The following GANC variants were observed in gnomAD, a reference collection of about 807,000 sequenced individuals.
The protein encoded by GANC is glucosidase alpha, neutral C.
In GANC, 117 loss-of-function variants were observed where a neutral mutation model predicts 124.2. The ratio of observed to expected loss-of-function variants is 0.94; its 90% CI spans 0.81 to 1.10. The LOEUF is 1.10. GANC is among the 50% of genes least tolerant of loss of function. GANC has a pLI of 0.00. For missense variants in GANC, 1,140 were observed against 1,095.0 expected (o/e 1.04, Z -0.58); for synonymous variants, 377 against 376.8 (o/e 1.00, Z -0.01).
In GANC at chr15:42,347,787, A is replaced by G. The variant is rs180990168; in HGVS notation, c.2305-316A>G. ...GGAAAATTTAAAATACAAAATAGGAAAAGCCACTTATAGGATGGGCAGAAA... is the reference window on the plus strand; with the variant it reads ...GGAAAATTTAAAATACAAAATAGGAGAAGCCACTTATAGGATGGGCAGAAA... On this transcript the variant is annotated intron_variant, in intron 20 of 23. Coordinates refer to ENST00000318010, the MANE Select transcript of GANC (RefSeq NM_198141.3). Among the ~76,000 whole-genome samples the G allele has an allele frequency of 3.6e-4, 55 of 152,312 alleles. 1 individual carries two copies. In the East Asian group the frequency reaches 7.5e-3, roughly 21 times the overall value.
At position 42,352,787 on chromosome 15, in the gene GANC, A is replaced by G; in HGVS notation, c.*648A>G. On this transcript the variant is annotated 3_prime_UTR_variant, in exon 24 of 24. Coordinates refer to ENST00000318010, the MANE Select transcript of GANC (RefSeq NM_198141.3). Reference sequence around the variant, plus strand: ...GTCTTTTACATTGTTTTTTTAATTAAGTGCTGTTTACTAACCAAATAATAT... The same window carrying G: ...GTCTTTTACATTGTTTTTTTAATTAGGTGCTGTTTACTAACCAAATAATAT... 1 of 907,276 alleles carries G rather than the reference A, an allele frequency of 1.1e-6. No homozygotes were observed. Among genetic ancestry groups the G allele is most frequent in the Non-Finnish European group, 1.3e-6 (1 of 758,608 alleles). 56.2% of individuals were successfully genotyped at this position (907,276 alleles called of 1,614,324 possible).
chr15:42,317,278 A>C (rs1375758089), intron 10 of GANC, among the ~76,000 whole-genome samples: 1 of 137,388 alleles, frequency 7.3e-6, no homozygotes, highest in Non-Finnish European at 1.6e-5. Context: ...ACATGGATGA[A>C]CCTTGAAAAT....
intron 10 of GANC, among the ~76,000 whole-genome samples, chr15:42,319,957 G>T (rs1358410335): frequency 6.6e-6 from 1 of 152,052 alleles, no homozygotes; most frequent in Non-Finnish European, 1.5e-5. Context: ...AGCCAAGATG[G>T]GCGATCACCT....
At chr15:42,305,030 C>T (rs1360338917) in intron 6 of GANC, among the ~76,000 whole-genome samples, 1 of 61,578 alleles carries the variant, frequency 1.6e-5, no homozygotes, top group African/African-American at 5.8e-5. Context: ...TAGGCAATAC[C>T]ATTCAGGACA....
At chr15:42,281,045 TAAAC>T (rs1355805210) in intron 3 of GANC, 1 of 702,488 alleles carries the variant, frequency 1.4e-6, no homozygotes, top group Non-Finnish European at 2.6e-6. Flanking sequence ...AGGAGCCTGA[TAAAC>T]AAGGACAAAT....
rs778013644 is a variant in GANC, at chr15:42,338,459, T to C, written c.1812T>C (p.Thr604=). 6.2e-7 allele frequency: 1 copy of C among 1,613,850 alleles called. No homozygotes were observed. The part of the protein sequence containing the change: ...NLKISIPMLL[T]LSITGISFCG... ...AAATTTCTATCCCAATGTTACTCAC[T>C]CTCAGCATTACTGGGATCTCTTTTT... The change falls in exon 16 of 24, where the codon ACT becomes ACC. Residue 604 remains threonine, a synonymous_variant. Transcript: ENST00000318010.
At chr15:42,345,375 C>A (rs775124169) in intron 19 of GANC, among the ~76,000 whole-genome samples, 9 of 151,862 alleles carry the variant, frequency 5.9e-5, no homozygotes, top group Non-Finnish European at 1.0e-4. Context: ...TTCTCCATCA[C>A]CTCTTTCACT....
At chr15:42,319,157 C>T (rs2052134252) in intron 10 of GANC, among the ~76,000 whole-genome samples, 1 of 152,114 alleles carries the variant, frequency 6.6e-6, no homozygotes, top group African/African-American at 2.4e-5. Context: ...TTCTTATCCT[C>T]TGATGGTTCC....
Position 42,353,134 on chromosome 15 carries a change from T to G in GANC, c.*995T>G. On this transcript the variant is annotated 3_prime_UTR_variant, in exon 24 of 24. Transcript: ENST00000318010. ...TATGGCTTGGCATGGGGCAGAACAT[T>G]ACAACATACCAGTCGTGTCATGGTG... 1 of 985,864 alleles carries G rather than the reference T, an allele frequency of 1.0e-6. No homozygotes were observed. Among genetic ancestry groups the G allele is most frequent in the Non-Finnish European group, 1.2e-6 (1 of 829,948 alleles). The allele number at this position is 985,864 out of a possible 1,614,324, so 61.1% of individuals were successfully genotyped here. A position where few individuals can be genotyped will look rare whatever the true frequency, so the allele number is the denominator to read the frequency against.
At chr15:42,284,938 A>G (rs976508677) in intron 3 of GANC, among the ~76,000 whole-genome samples, 4 of 152,220 alleles carry the variant, frequency 2.6e-5, no homozygotes, top group Admixed American at 1.3e-4. Flanking sequence ...TACTTATATT[A>G]TCTAAGGATT....
chr15:42,343,412 G>A (rs190978780), intron 19 of GANC: 18 of 441,236 alleles, frequency 4.1e-5, no homozygotes, highest in African/African-American at 3.0e-4. Flanking sequence ...ACTAGTAAAA[G>A]TGAGTCCTGA....
intron 14 of GANC, 45 bp from the exon 15 acceptor site, chr15:42,330,531 C>A (rs775631382): frequency 1.4e-6 from 2 of 1,417,734 alleles, no homozygotes; most frequent in South Asian, 2.3e-5. Flanking sequence ...GATGTCTGTA[C>A]AAATCCAATC....
chr15:42,334,241 A>T (rs577811251), intron 15 of GANC, among the ~76,000 whole-genome samples: 56 of 151,894 alleles, frequency 3.7e-4, no homozygotes, highest in Admixed American at 1.0e-3. Context: ...AGATCACTGC[A>T]ACCTCCACCT....
chr15:42,349,463 G>A lies in GANC; in HGVS notation c.2499G>A (p.Lys833=). The change falls in exon 22 of 24, where the codon AAG becomes AAA. Residue 833 remains lysine, a synonymous_variant. Coordinates refer to ENST00000318010, the MANE Select transcript of GANC (RefSeq NM_198141.3). ...YLHQKQFLHR[K]FSFCSSVLIN... is the part of the protein sequence containing the mutation. ...ACCAGAAGCAATTTTTGCACAGGAA[G>A]TTTTCATTCTGTTCCAGTGTTCTGA... is the stretch of plus-strand genomic sequence containing the variant. 2 of 1,612,478 alleles carry A rather than the reference G, an allele frequency of 1.2e-6. No individual in the cohort carries two copies. The highest frequency in any genetic ancestry group is 1.7e-6 in the Non-Finnish European group (2 of 1,178,576).
rs753829175 is a variant in GANC at position 42,349,471 on chromosome 15, T to G, written c.2507T>G (p.Phe836Cys). ...QKQFLHRKFS[F>C]CSSVLINSFA... ...CAATTTTTGCACAGGAAGTTTTCAT[T>G]CTGTTCCAGTGTTCTGATCAATAGG... The change falls in exon 22 of 24, where the codon TTC becomes TGC. Residue 836 changes from phenylalanine (F) to cysteine (C), a missense_variant. Phe to Cys is a radical substitution (Grantham distance 205). Coordinates refer to ENST00000318010, the MANE Select transcript of GANC (RefSeq NM_198141.3). The G allele has an allele frequency of 6.2e-7, 1 of 1,609,366 alleles. No homozygotes were observed. Among genetic ancestry groups the G allele is most frequent in the Non-Finnish European group, 8.5e-7 (1 of 1,175,698 alleles).
intron 18 of GANC, among the ~76,000 whole-genome samples, chr15:42,342,123 G>A (rs946534189): frequency 1.3e-5 from 2 of 152,038 alleles, no homozygotes. Context: ...CAGGAGCCAC[G>A]CTTGTCTTAT....
At chr15:42,284,059 G>A in intron 3 of GANC, 1 of 696,154 alleles carries the variant, frequency 1.4e-6, no homozygotes, top group East Asian at 2.7e-5. Context: ...TGGTAGAGGT[G>A]GCCACTCACT....
chr15:42,330,521 G>T, intron 14 of GANC, 55 bp from the exon 15 acceptor site: 1 of 1,226,712 alleles, frequency 8.2e-7, no homozygotes. Context: ...GCTTATTGGG[G>T]ATGTCTGTAC....
At chr15:42,343,199 C>T (rs766825976) in intron 19 of GANC, 45 bp downstream of exon 19, 4 of 1,497,846 alleles carry the variant, frequency 2.7e-6, no homozygotes, top group East Asian at 2.3e-5. Context: ...TCATATCTCT[C>T]ATCCCTTCTT....
Sources: gnomAD v4.1 joint callset for allele counts (sites outside exome capture counted in the v4.1 genomes callset) on GRCh38, gnomAD v4.1.1 for gene constraint, MANE v1.5 for transcripts, NCBI Gene and HGNC (gene_info 2026-07-23, HGNC 2026-07-21) for gene names.